The following ESR1 variants were observed in gnomAD, a reference collection of about 807,000 sequenced individuals.
ESR1 encodes the protein estrogen receptor.
In ESR1, 12 loss-of-function variants were observed where a neutral mutation model predicts 52.7. The ratio of observed to expected loss-of-function variants is 0.23; its 90% CI spans 0.15 to 0.37. ESR1 has a LOEUF of 0.37. Among genes scored for constraint, ESR1 ranks in the 10% least tolerant of loss-of-function variants. ESR1 has a pLI of 1.00. For missense variants in ESR1, 584 were observed against 779.7 expected, an observed-to-expected ratio of 0.75 and a Z score of 2.99; for synonymous variants, 305 against 316.8, an observed-to-expected ratio of 0.96 and a Z score of 0.39.
chr6:151,880,778 A>T lies in ESR1; in HGVS notation c.760+7A>T, dbSNP rs1454030635. The stretch of plus-strand genomic sequence containing the variant: ...GTGGGAATGATGAAAGGTGGTAGGT[A>T]CATCTCTCCCAGGGGCCCTTGGGGA... On this transcript the variant is annotated splice_region_variant and intron_variant, in intron 3 of 7. Coordinates refer to ENST00000206249, the MANE Select transcript of ESR1 (RefSeq NM_000125.4). The T allele has an allele frequency of 6.8e-7, 1 of 1,479,342 alleles. No individual in the cohort carries two copies. The highest frequency in any genetic ancestry group is 1.4e-5 in the African/African-American group (1 of 72,272). 91.6% of individuals were successfully genotyped at this position (1,479,342 alleles called of 1,614,324 possible).
At chr6:152,050,477 T>C (rs1418900387) in intron 5 of ESR1, among the ~76,000 whole-genome samples, 1 of 152,200 alleles carries the variant, frequency 6.6e-6, no homozygotes, top group Non-Finnish European at 1.5e-5. Context: ...TGTTTTAATT[T>C]TCTTCCATTT....
chr6:151,860,639 G>A (rs545689820), intron 2 of ESR1, among the ~76,000 whole-genome samples: 1 of 152,236 alleles, frequency 6.6e-6, no homozygotes, highest in South Asian at 2.1e-4. Context: ...CAACAACATG[G>A]ATGAACCTGG....
At chr6:152,083,066 C>T (rs1338460190) in intron 6 of ESR1, among the ~76,000 whole-genome samples, 2 of 151,936 alleles carry the variant, frequency 1.3e-5, no homozygotes, top group Non-Finnish European at 2.9e-5. Flanking sequence ...TCAGTGCTAT[C>T]CCCATCAAGC....
chr6:152,037,837 C>T (rs2045442881), intron 5 of ESR1, among the ~76,000 whole-genome samples: 2 of 152,138 alleles, frequency 1.3e-5, no homozygotes, highest in Non-Finnish European at 2.9e-5. Context: ...GATTTCAGTG[C>T]TTTTTCACTC....
chr6:151,835,035 C>T (rs1222164825), intron 1 of ESR1, among the ~76,000 whole-genome samples: 3 of 151,978 alleles, frequency 2.0e-5, no homozygotes, highest in African/African-American at 7.3e-5. Flanking sequence ...TGTAACTTAA[C>T]CCCAGGAGCC....
intron 2 of ESR1, among the ~76,000 whole-genome samples, chr6:151,847,022 C>T (rs748497378): frequency 6.6e-6 from 1 of 152,192 alleles, no homozygotes; most frequent in Non-Finnish European, 1.5e-5. Context: ...CTATACACCA[C>T]TAGCTATGTT....
intron 1 of ESR1, among the ~76,000 whole-genome samples, chr6:151,679,245 G>C (rs1778366528): frequency 6.6e-6 from 1 of 152,142 alleles, no homozygotes; most frequent in African/African-American, 2.4e-5. Context: ...CAATGCCTCA[G>C]AGCCAACTCC....
At chr6:151,899,257 AC>A (rs1379535659) in intron 3 of ESR1, among the ~76,000 whole-genome samples, 1 of 97,390 alleles carries the variant, frequency 1.0e-5, no homozygotes, top group Non-Finnish European at 2.1e-5. Flanking sequence ...GGGGGGCTGA[AC>A]CCCCACCTCC....
intron 6 of ESR1, among the ~76,000 whole-genome samples, chr6:152,077,119 G>C (rs1366559610): frequency 6.6e-6 from 1 of 152,100 alleles, no homozygotes; most frequent in Non-Finnish European, 1.5e-5. Flanking sequence ...AGTTTTGTGG[G>C]CCAGTCCCAG....
At chr6:152,038,374 C>T (rs1320490979) in intron 5 of ESR1, among the ~76,000 whole-genome samples, 1 of 152,198 alleles carries the variant, frequency 6.6e-6, no homozygotes, top group African/African-American at 2.4e-5. Context: ...CTCACAGACA[C>T]ACCCAAGGAC....
At chr6:152,016,894 A>T (rs1219931599) in intron 5 of ESR1, among the ~76,000 whole-genome samples, 1 of 151,910 alleles carries the variant, frequency 6.6e-6, no homozygotes, top group Non-Finnish European at 1.5e-5. Flanking sequence ...AATAGGGGGG[A>T]AAGATAGCTT....
intron 2 of ESR1, among the ~76,000 whole-genome samples, chr6:151,798,739 T>C (rs1776947407): frequency 6.6e-6 from 1 of 152,198 alleles, no homozygotes; most frequent in Admixed American, 6.5e-5. Flanking sequence ...TTTTTGCTGT[T>C]ATTGTTGAAG....
At chr6:151,658,652 ATATGTGCTTT>A in intron 1 of ESR1, among the ~76,000 whole-genome samples, 1 of 152,094 alleles carries the variant, frequency 6.6e-6, no homozygotes, top group Non-Finnish European at 1.5e-5. Context: ...TCTGGGATTA[ATATGTGCTTT>A]TAACATTATT....
At chr6:151,953,776 G>C (rs552532103) in intron 4 of ESR1, among the ~76,000 whole-genome samples, 1 of 152,028 alleles carries the variant, frequency 6.6e-6, no homozygotes, top group East Asian at 1.9e-4. Flanking sequence ...AATTAAAAGA[G>C]AAGAATTCAC....
At chr6:151,779,451 A>G (rs1786321476) in intron 2 of ESR1, among the ~76,000 whole-genome samples, 1 of 152,216 alleles carries the variant, frequency 6.6e-6, no homozygotes, top group South Asian at 2.1e-4. Context: ...GTCATTAGAG[A>G]AATGAAAATC....
chr6:151,669,189 A>AGAGAGAGAGAG (rs774737323), intron 1 of ESR1, among the ~76,000 whole-genome samples: 8 of 87,108 alleles, frequency 9.2e-5, no homozygotes, highest in African/African-American at 2.7e-4. Context: ...AGAGAGAGAG[A>AGAGAGAGAGAG]TGGGAATCCA....
At chr6:151,746,580 A>G (rs1783499301) in intron 2 of ESR1, among the ~76,000 whole-genome samples, 2 of 152,216 alleles carry the variant, frequency 1.3e-5, no homozygotes, top group Admixed American at 6.5e-5. Flanking sequence ...TACATGTGAT[A>G]TGGTAGTTGA....
In ESR1 at chr6:151,961,985, G is replaced by A. The variant is rs562420837; in HGVS notation, c.1096+17477G>A. ...GATGAGTCAAGAAAGGGACCAGGAA[G>A]TGGAAACTGTGTGTGAGGCAGTGAT... On this transcript the variant is annotated intron_variant, in intron 4 of 7. Transcript: ENST00000206249. 3.3e-5 allele frequency among the ~76,000 whole-genome samples: 5 copies of A among 152,252 alleles called. No homozygotes were observed. In the South Asian group the frequency reaches 1.0e-3, roughly 32 times the overall value.
rs189014849 is a variant in ESR1, at chr6:152,065,322, T to C, written c.1369+4198T>C. On this transcript the variant is annotated intron_variant, in intron 6 of 7. Coordinates refer to ENST00000206249, the MANE Select transcript of ESR1 (RefSeq NM_000125.4). ...TGATGAAAACTCTATGGTGAATTGC[T>C]GTGGAGTCACATGGGTTCATGCATC... 2.8e-4 allele frequency among the ~76,000 whole-genome samples: 42 copies of C among 152,324 alleles called. No individual in the cohort carries two copies. In the East Asian group the frequency reaches 7.3e-3, roughly 27 times the overall value.
Sources: allele counts gnomAD v4.1 joint callset (sites outside exome capture counted in the v4.1 genomes callset), GRCh38; gene constraint gnomAD v4.1.1; transcripts MANE v1.5; gene names NCBI Gene and HGNC (gene_info 2026-07-23, HGNC 2026-07-21).